Variants in DIPK1A observed in about 807,000 individuals in gnomAD.
DIPK1A encodes divergent protein kinase domain 1A, also known as family with sequence similarity 69 member A.
Under a neutral mutation model 40.8 loss-of-function variants are expected in DIPK1A, and 27 were observed. The observed-to-expected ratio is 0.66, with a 90% CI of 0.49 to 0.91. The LOEUF (loss-of-function observed/expected upper bound fraction) is 0.91. Ranked by LOEUF, DIPK1A falls within the 40% of genes least tolerant of loss-of-function variation. The probability of loss-of-function intolerance (pLI) is 0.00; values close to 1 mark genes in which losing one functional copy is unlikely to be tolerated. For missense variants in DIPK1A, 412 were observed against 505.7 expected (o/e 0.81, Z 1.78); for synonymous variants, 166 against 171.3 (o/e 0.97, Z 0.24).
intron 1 of DIPK1A, among the ~76,000 whole-genome samples, chr1:92,945,799 A>C (rs1424863060): frequency 6.6e-6 from 1 of 152,206 alleles, no homozygotes; most frequent in Non-Finnish European, 1.5e-5. Flanking sequence ...GGATGACAGA[A>C]GAAATGTCCA....
downstream of DIPK1A, among the ~76,000 whole-genome samples, chr1:92,839,031 C>G (rs1477497548): frequency 8.5e-6 from 1 of 118,308 alleles, no homozygotes; most frequent in Non-Finnish European, 1.7e-5. Context: ...AGAGTTGCAG[C>G]TTTTTTTTTT....
At position 92,843,813 on chromosome 1, in the gene DIPK1A, G is replaced by A; in HGVS notation, c.857C>T (p.Pro286Leu). The A allele has an allele frequency of 6.4e-7, 1 of 1,551,840 alleles. No individual in the cohort carries two copies. The highest frequency in any genetic ancestry group is 8.7e-7 in the Non-Finnish European group (1 of 1,147,026). Residue 286 changes from proline (P) to leucine (L), a missense_variant, in exon 5 of 5, where the codon CCC (proline) becomes CTC (leucine). Pro to Leu is a moderately conservative substitution (Grantham distance 98). Transcript: ENST00000370310. ...LEFVEDVFHGPYGNFLMCDTS... is the reference protein window; with the variant it reads ...LEFVEDVFHGLYGNFLMCDTS... ...ATCGCACATGAGGAAATTTCCGTAG[G>A]GGCCATGGAAAACATCTTCCACAAA...
chr1:92,884,458 A>C (rs573775865), intron 1 of DIPK1A, among the ~76,000 whole-genome samples: 1 of 151,176 alleles, frequency 6.6e-6, no homozygotes, highest in South Asian at 2.1e-4. Flanking sequence ...GTCTTAAAAC[A>C]AACAAACAAA....
intron 1 of DIPK1A, among the ~76,000 whole-genome samples, chr1:92,955,723 G>T (rs1014682734): frequency 3.4e-5 from 5 of 146,972 alleles, no homozygotes; most frequent in African/African-American, 1.0e-4. Context: ...GAAAAGAAAA[G>T]AAAGAAAAAA....
rs370104374 is a variant in DIPK1A at position 92,871,016 on chromosome 1, C to T, written c.189+5280G>A. Among the ~76,000 whole-genome samples the T allele has an allele frequency of 3.9e-5, 6 of 152,326 alleles. No individual in the cohort carries two copies. The East Asian group carries it at 9.6e-4, about 24-fold the overall frequency. On this transcript the variant is annotated intron_variant, in intron 2 of 4. Coordinates refer to ENST00000370310, the MANE Select transcript of DIPK1A (RefSeq NM_001006605.5). ...CCAAGAGCCGAATTTAATCAACTTGCTGCAGGCAAACCTTAGTCTCTAAGT... is the reference window on the plus strand; with the variant it reads ...CCAAGAGCCGAATTTAATCAACTTGTTGCAGGCAAACCTTAGTCTCTAAGT...
intron 1 of DIPK1A, among the ~76,000 whole-genome samples, chr1:92,928,752 A>T (rs1172570653): frequency 6.6e-6 from 1 of 152,196 alleles, no homozygotes; most frequent in Non-Finnish European, 1.5e-5. Flanking sequence ...GCTTGAGCTC[A>T]GGGGTTTGAG....
chr1:92,914,661 TGGGAGACTGAGG>T (rs1649973971), intron 1 of DIPK1A, among the ~76,000 whole-genome samples: 1 of 149,842 alleles, frequency 6.7e-6, no homozygotes, highest in South Asian at 2.1e-4. Context: ...CCCAGCTACT[TGGGAGACTGAGG>T]CAGGAGAAGT....
At chr1:92,859,520 T>C (rs1688099295) in intron 2 of DIPK1A, among the ~76,000 whole-genome samples, 1 of 152,174 alleles carries the variant, frequency 6.6e-6, no homozygotes, top group African/African-American at 2.4e-5. Context: ...TGTGTGTAAG[T>C]TATAGTCCAG....
Position 92,843,023 on chromosome 1 carries a change from G to GCAAA in DIPK1A, c.*356_*359dup. 1 of 999,742 alleles carries GCAAA rather than the reference G, an allele frequency of 1.0e-6. No individual in the cohort carries two copies. Among genetic ancestry groups the GCAAA allele is most frequent in the Non-Finnish European group, 1.2e-6 (1 of 839,702 alleles). 61.9% of individuals were successfully genotyped at this position (999,742 alleles called of 1,614,324 possible). On this transcript the variant is annotated 3_prime_UTR_variant, in exon 5 of 5. Coordinates refer to ENST00000370310, the MANE Select transcript of DIPK1A (RefSeq NM_001006605.5). ...TTTCTTGTTGAACAGCAGCTTCAAT[G>GCAAA]CAAACACAATGCTTCCAGCATTGGT...
At chr1:92,892,530 A>G (rs1012786621) in intron 1 of DIPK1A, among the ~76,000 whole-genome samples, 11 of 152,086 alleles carry the variant, frequency 7.2e-5, no homozygotes, top group Non-Finnish European at 1.2e-4. Flanking sequence ...CCAAAGGCAG[A>G]TAAAACCACA....
rs944416019 is a variant in DIPK1A at position 92,898,850 on chromosome 1, C to T, written c.55-22420G>A. ...CAATCATGGCTCACTGCAGCCTTGA[C>T]CTCCTGGGCTCAAGCAACCCTCCCA... On this transcript the variant is annotated intron_variant, in intron 1 of 4. Coordinates refer to ENST00000370310, the MANE Select transcript of DIPK1A (RefSeq NM_001006605.5). 3.9e-5 allele frequency among the ~76,000 whole-genome samples: 6 copies of T among 152,094 alleles called. No individual in the cohort carries two copies. In the South Asian group the frequency reaches 1.0e-3, roughly 26 times the overall value.
At chr1:92,894,762 C>T (rs1032294078) in intron 1 of DIPK1A, among the ~76,000 whole-genome samples, 1 of 151,864 alleles carries the variant, frequency 6.6e-6, no homozygotes, top group African/African-American at 2.4e-5. Context: ...GCTAGCTTGA[C>T]TAATAAAGAA....
intron 1 of DIPK1A, among the ~76,000 whole-genome samples, chr1:92,893,410 T>G (rs1323223183): frequency 5.9e-5 from 9 of 151,654 alleles, no homozygotes; most frequent in Admixed American, 6.6e-5. Context: ...CTAAGCTTCA[T>G]AAGTGAAGGA....
At chr1:92,856,455 T>C (rs529306730) in intron 2 of DIPK1A, among the ~76,000 whole-genome samples, 1 of 152,334 alleles carries the variant, frequency 6.6e-6, no homozygotes, top group African/African-American at 2.4e-5. Flanking sequence ...TTTCCTCTTG[T>C]TGCCCAGGCT....
chr1:92,897,064 A>C (rs1649205135), intron 1 of DIPK1A, among the ~76,000 whole-genome samples: 1 of 151,898 alleles, frequency 6.6e-6, no homozygotes, highest in African/African-American at 2.4e-5. Flanking sequence ...GTGGGACTGT[A>C]AACTAGTTCA....
At chr1:92,940,689 A>T (rs1651118904) in intron 1 of DIPK1A, among the ~76,000 whole-genome samples, 1 of 152,206 alleles carries the variant, frequency 6.6e-6, no homozygotes, top group African/African-American at 2.4e-5. Flanking sequence ...TGACATCTAC[A>T]ATTTTTCACC....
intron 1 of DIPK1A, among the ~76,000 whole-genome samples, chr1:92,885,709 A>C (rs1205913486): frequency 3.9e-5 from 6 of 152,098 alleles, no homozygotes; most frequent in Non-Finnish European, 4.4e-5. Context: ...TAGTTTGTTA[A>C]GCAATTAAAA....
chr1:92,905,762 G>A (rs1649595704), intron 1 of DIPK1A, among the ~76,000 whole-genome samples: 1 of 152,086 alleles, frequency 6.6e-6, no homozygotes, highest in Non-Finnish European at 1.5e-5. Flanking sequence ...TCAGGTATTA[G>A]ATTTAAGTCT....
In DIPK1A at chr1:92,954,303, A is replaced by T. The variant is rs535175653; in HGVS notation, c.54+7073T>A. On this transcript the variant is annotated intron_variant, in intron 1 of 4. Transcript: ENST00000370310. ...ACAAAGCAAGACCCTGTCTCACAAA[A>T]AAAAAAATAAATAAATAAATAAAAG... Among the ~76,000 whole-genome samples the T allele has an allele frequency of 5.8e-3, 883 of 151,328 alleles. 1 individual carries two copies. Among genetic ancestry groups the T allele is most frequent in the Non-Finnish European group, 9.3e-3 (630 of 67,840 alleles).
Sources: gnomAD v4.1 joint callset for allele counts (sites outside exome capture counted in the v4.1 genomes callset) on GRCh38, gnomAD v4.1.1 for gene constraint, MANE v1.5 for transcripts, NCBI Gene and HGNC (gene_info 2026-07-23, HGNC 2026-07-21) for gene names.